Variants in CYP2J2 observed in about 807,000 individuals in gnomAD.
CYP2J2 encodes cytochrome P450 family 2 subfamily J member 2.
A neutral mutation model predicts 48.8 loss-of-function variants in CYP2J2; 41 were observed. The ratio of observed to expected loss-of-function variants is 0.84; its 90% confidence interval spans 0.66 to 1.09. The LOEUF is 1.09. Ranked by LOEUF, CYP2J2 falls within the 50% of genes least tolerant of loss-of-function variation. CYP2J2 has a pLI of 0.00. For synonymous variants in CYP2J2, 221 were observed against 227.1 expected (o/e 0.97, Z 0.24); for missense variants, 644 against 617.3 (o/e 1.04, Z -0.46).
chr1:59,906,351 C>T (rs1156969013), intron 6 of CYP2J2, among the ~76,000 whole-genome samples: 1 of 152,040 alleles, frequency 6.6e-6, no homozygotes, highest in African/African-American at 2.4e-5. Flanking sequence ...ATTGGTGAGC[C>T]GTCTTACAGA....
At chr1:59,964,732 ACATTACAGTTT>A in the CYP2J2 span, among the ~76,000 whole-genome samples, 5 of 152,240 alleles carry the variant, frequency 3.3e-5, no homozygotes, top group Non-Finnish European at 7.3e-5. Context: ...AATTTCAGTT[ACATTACAGTTT>A]CATTACAACC....
rs141697212 is a variant in CYP2J2 at position 59,909,828 on chromosome 1, C to A, written c.817G>T (p.Glu273Ter). 3.2e-5 allele frequency: 51 copies of A among 1,600,600 alleles called. No individual in the cohort carries two copies. In the African/African-American group the frequency reaches 5.6e-4, roughly 17 times the overall value. The change falls in exon 5 of 9, where the codon GAA becomes TAA. Residue 273 changes from glutamate (E) to a stop codon, truncating the protein, a stop_gained. Coordinates refer to ENST00000371204, the MANE Select transcript of CYP2J2 (RefSeq NM_000775.4). LOFTEE classifies it high-confidence loss of function. Reference sequence around the variant, plus strand: ...TAAGCATCAATAAAGTCTCTTGTTTCTGCAGGATTCCAATCCTTTCTGTGT... The same window carrying A: ...TAAGCATCAATAAAGTCTCTTGTTTATGCAGGATTCCAATCCTTTCTGTGT... The part of the protein sequence containing the change: ...DKHRKDWNPA[E>*]TRDFIDAYLK...
intron 2 of CYP2J2, chr1:59,912,956 A>T (rs1295276726): frequency 6.6e-6 from 1 of 152,216 alleles, no homozygotes; most frequent in Admixed American, 6.6e-5. Flanking sequence ...GGTGTGTTTG[A>T]CAGACCATCA....
chr1:59,910,800 A>T (rs1402327104), intron 4 of CYP2J2, among the ~76,000 whole-genome samples: 1 of 152,094 alleles, frequency 6.6e-6, no homozygotes, highest in African/African-American at 2.4e-5. Flanking sequence ...AATTCCAAAA[A>T]GTGTCTGAGG....
rs193187372 is a variant in CYP2J2 at position 59,912,254 on chromosome 1, G to T, written c.431C>A (p.Ala144Glu). Residue 144 changes from alanine to glutamate, a missense_variant, in exon 3 of 9, where the codon GCA becomes GAA. Ala to Glu is a moderately radical substitution (Grantham distance 107). Coordinates refer to ENST00000371204, the MANE Select transcript of CYP2J2 (RefSeq NM_000775.4). ...WKEQRRFTLT[A>E]LRNFGLGKKS... is the part of the protein sequence containing the mutation. ...CTTTCCTAAACCAAAGTTCCTTAGT[G>T]CTGTCAGAGTGAACCTTCTTTGCTC... The T allele has an allele frequency of 1.2e-6, 2 of 1,613,834 alleles. 1 individual carries two copies. The highest frequency in any genetic ancestry group is 4.5e-5 in the East Asian group (2 of 44,872).
chr1:59,940,607 G>A, the CYP2J2 span, among the ~76,000 whole-genome samples: 1 of 152,174 alleles, frequency 6.6e-6, no homozygotes. Context: ...TCCAACTACT[G>A]AGTGCATACT....
intron 4 of CYP2J2, 56 bp from the exon 5 acceptor site, chr1:59,910,016 T>G (rs1644398568): frequency 7.3e-7 from 1 of 1,366,186 alleles, no homozygotes; most frequent in Non-Finnish European, 1.0e-6. Context: ...TTTTTTCTTT[T>G]TAAGACAACA....
At chr1:59,922,431 A>G (rs1473667661) in intron 1 of CYP2J2, among the ~76,000 whole-genome samples, 8 of 152,226 alleles carry the variant, frequency 5.3e-5, no homozygotes, top group Admixed American at 4.6e-4. Context: ...AAATTTAATT[A>G]TAACTAAATT....
chr1:59,958,838 A>G, the CYP2J2 span, among the ~76,000 whole-genome samples: 3 of 152,218 alleles, frequency 2.0e-5, no homozygotes, highest in East Asian at 5.8e-4. Flanking sequence ...TCTCTATGTG[A>G]ACAACCTCCA....
chr1:59,903,555 A>G (rs1644338967), intron 7 of CYP2J2, among the ~76,000 whole-genome samples: 1 of 152,228 alleles, frequency 6.6e-6, no homozygotes, highest in African/African-American at 2.4e-5. Context: ...TTGAAAAACT[A>G]CTAATTGGAT....
chr1:59,913,750 A>G (rs1171967419), intron 2 of CYP2J2, among the ~76,000 whole-genome samples: 3 of 152,226 alleles, frequency 2.0e-5, no homozygotes, highest in Non-Finnish European at 4.4e-5. Context: ...AAATGCTACA[A>G]AAGTCCCTTG....
chr1:59,962,739 G>T, the CYP2J2 span, among the ~76,000 whole-genome samples: 1 of 152,116 alleles, frequency 6.6e-6, no homozygotes, highest in Non-Finnish European at 1.5e-5. Flanking sequence ...GGCAGAGGTG[G>T]GATTAAAATC....
At chr1:59,965,177 A>G in the CYP2J2 span, among the ~76,000 whole-genome samples, 1 of 152,258 alleles carries the variant, frequency 6.6e-6, no homozygotes, top group South Asian at 2.1e-4. Context: ...GTGGAGAATT[A>G]GGAGTTCACT....
chr1:59,913,447 T>C (rs1644436641), intron 2 of CYP2J2, among the ~76,000 whole-genome samples: 1 of 152,216 alleles, frequency 6.6e-6, no homozygotes, highest in Non-Finnish European at 1.5e-5. Flanking sequence ...GTATTTTGAA[T>C]TCGGCATATC....
the CYP2J2 span, among the ~76,000 whole-genome samples, chr1:59,954,382 C>T: frequency 1.3e-5 from 2 of 152,120 alleles, no homozygotes; most frequent in Non-Finnish European, 2.9e-5. Context: ...CTCCTCCAAA[C>T]TCCACTAATA....
the CYP2J2 span, among the ~76,000 whole-genome samples, chr1:59,945,377 G>A: frequency 6.6e-6 from 1 of 151,642 alleles, no homozygotes; most frequent in Non-Finnish European, 1.5e-5. Flanking sequence ...ATCTTAATCA[G>A]AAAGTAAAAT....
chr1:59,956,072 C>T, the CYP2J2 span, among the ~76,000 whole-genome samples: 3 of 151,894 alleles, frequency 2.0e-5, no homozygotes, highest in Non-Finnish European at 4.4e-5. Context: ...GTATGCCTAC[C>T]TAGGTACACA....
Position 59,907,866 on chromosome 1 carries a change from A to G in CYP2J2, c.923T>C (p.Leu308Pro), listed in dbSNP as rs1177173841. The G allele has an allele frequency of 1.9e-6, 3 of 1,614,054 alleles. No individual in the cohort carries two copies. The East Asian group carries it at 6.7e-5, about 36-fold the overall frequency. ...AGTTGTCTCGGTTCCGGCAAAGAAGAGGTCCAGGGTGCTGCAGATGAGGTT... is the reference window on the plus strand; with the variant it reads ...AGTTGTCTCGGTTCCGGCAAAGAAGGGGTCCAGGGTGCTGCAGATGAGGTT... Reference protein sequence around the residue: ...EENLICSTLDLFFAGTETTST... With the variant: ...EENLICSTLDPFFAGTETTST... The change falls in exon 6 of 9, where the codon CTC (leucine) becomes CCC (proline). Residue 308 changes from leucine to proline, a missense_variant. Coordinates refer to ENST00000371204, the MANE Select transcript of CYP2J2 (RefSeq NM_000775.4).
At chr1:59,920,064 A>G (rs1644500125) in intron 1 of CYP2J2, among the ~76,000 whole-genome samples, 1 of 152,068 alleles carries the variant, frequency 6.6e-6, no homozygotes, top group South Asian at 2.1e-4. Flanking sequence ...AGGGACATAA[A>G]GCTATCGCAA....
Sources: allele counts gnomAD v4.1 joint callset (sites outside exome capture counted in the v4.1 genomes callset), GRCh38; gene constraint gnomAD v4.1.1; transcripts MANE v1.5; gene names NCBI Gene and HGNC (gene_info 2026-07-23, HGNC 2026-07-21).